The following IGSF11 variants were observed in gnomAD, a reference collection of about 807,000 sequenced individuals.
IGSF11 encodes immunoglobulin superfamily member 11, also known as CXADR like 1.
A neutral mutation model predicts 41.0 loss-of-function variants in IGSF11; 22 were observed. That is an observed-to-expected ratio of 0.54 (90% CI 0.38 to 0.77). The LOEUF (loss-of-function observed/expected upper bound fraction) is 0.77. IGSF11 is among the 30% of genes least tolerant of loss of function. The pLI is 0.00. For missense variants in IGSF11, 444 were observed against 530.8 expected, an observed-to-expected ratio of 0.84 and a Z score of 1.61; for synonymous variants, 219 against 201.3, an observed-to-expected ratio of 1.09 and a Z score of -0.74.
intron 1 of IGSF11, among the ~76,000 whole-genome samples, chr3:118,987,286 G>A (rs1248259671): frequency 6.6e-6 from 1 of 152,232 alleles, no homozygotes; most frequent in Non-Finnish European, 1.5e-5. Context: ...GTTCATCCCA[G>A]AGGATGAGAA....
At chr3:119,086,849 G>A (rs1333327947) in intron 1 of IGSF11, among the ~76,000 whole-genome samples, 1 of 152,114 alleles carries the variant, frequency 6.6e-6, no homozygotes, top group Non-Finnish European at 1.5e-5. Flanking sequence ...ACTTAATCAA[G>A]TCTACATAAC....
At chr3:118,929,762 G>A (rs1942680075) in intron 2 of IGSF11, among the ~76,000 whole-genome samples, 1 of 152,068 alleles carries the variant, frequency 6.6e-6, no homozygotes, top group Non-Finnish European at 1.5e-5. Context: ...ACAACCTAAT[G>A]TTACTTCCTT....
rs1197299547 is a variant in IGSF11 at position 118,933,418 on chromosome 3, A to G, written c.53-3143T>C. ...TATTGCTAGCTAATATTTAGGTCAC[A>G]CTGACTACACCAAGTCCACATTAAG... On this transcript the variant is annotated intron_variant, in intron 1 of 6. Coordinates refer to ENST00000393775, the MANE Select transcript of IGSF11 (RefSeq NM_001015887.3). Among the ~76,000 whole-genome samples, 4 of 151,260 alleles carry G rather than the reference A, an allele frequency of 2.6e-5. No homozygotes were observed. In the East Asian group the frequency reaches 7.7e-4, roughly 29 times the overall value.
In IGSF11 at chr3:119,015,332, C is replaced by T. The variant is rs543570231; in HGVS notation, c.52+19199G>A. On this transcript the variant is annotated intron_variant, in intron 1 of 6. Coordinates refer to ENST00000393775, the MANE Select transcript of IGSF11 (RefSeq NM_001015887.3). ...GAAAACAATGCTTGTGCAAGATCTA[C>T]CTTATTTAACGCAATTAACTGCAGG... Among the ~76,000 whole-genome samples the T allele has an allele frequency of 1.4e-4, 21 of 152,248 alleles. No homozygotes were observed. The South Asian group carries it at 1.7e-3, about 12-fold the overall frequency.
chr3:119,032,538 G>T (rs1323256755), intron 1 of IGSF11, among the ~76,000 whole-genome samples: 1 of 152,010 alleles, frequency 6.6e-6, no homozygotes, highest in African/African-American at 2.4e-5. Flanking sequence ...CTACTTTTTG[G>T]CTCTTTCTCC....
chr3:118,929,039 A>T (rs1344122970), intron 2 of IGSF11, among the ~76,000 whole-genome samples: 2 of 152,222 alleles, frequency 1.3e-5, no homozygotes, highest in African/African-American at 2.4e-5. Context: ...AACAAAAATT[A>T]AAAAATATTA....
chr3:118,910,672 C>T (rs781385240), intron 4 of IGSF11, among the ~76,000 whole-genome samples: 1 of 152,168 alleles, frequency 6.6e-6, no homozygotes, highest in Admixed American at 6.5e-5. Flanking sequence ...TAAAGCCTTT[C>T]ACAATCTGGA....
intron 4 of IGSF11, among the ~76,000 whole-genome samples, chr3:118,914,056 G>A (rs569167995): frequency 2.6e-5 from 4 of 151,326 alleles, no homozygotes; most frequent in Non-Finnish European, 5.9e-5. Flanking sequence ...AGAGAGTAGA[G>A]TTTTTTTTTA....
At chr3:119,034,939 C>CCA (rs1940810748), upstream of IGSF11, 2 of 747,976 alleles carry the variant, frequency 2.7e-6, no homozygotes, top group Non-Finnish European at 3.4e-6. Flanking sequence ...GCCGCCCACT[C>CCA]GCCCCGCTTG....
intron 1 of IGSF11, among the ~76,000 whole-genome samples, chr3:119,076,602 G>A (rs972428517): frequency 1.3e-5 from 2 of 152,042 alleles, no homozygotes; most frequent in Non-Finnish European, 2.9e-5. Context: ...GTGGGCAAAG[G>A]ATACAAACAG....
At chr3:118,956,842 T>C (rs1944995428) in intron 1 of IGSF11, among the ~76,000 whole-genome samples, 2 of 152,180 alleles carry the variant, frequency 1.3e-5, no homozygotes, top group South Asian at 2.1e-4. Context: ...ACAGTGCTGA[T>C]AGACTCACTA....
intron 1 of IGSF11, among the ~76,000 whole-genome samples, chr3:119,098,126 G>T (rs937137319): frequency 2.0e-5 from 3 of 151,864 alleles, no homozygotes; most frequent in African/African-American, 7.3e-5. Flanking sequence ...GGAGAACAAA[G>T]CTTATGTGGG....
At chr3:119,024,896 C>T (rs1005937149) in intron 1 of IGSF11, among the ~76,000 whole-genome samples, 1 of 152,082 alleles carries the variant, frequency 6.6e-6, no homozygotes, top group African/African-American at 2.4e-5. Context: ...ATACTTACAG[C>T]CTGCTTTGAA....
chr3:119,022,385 C>T (rs1939381052), intron 1 of IGSF11, among the ~76,000 whole-genome samples: 1 of 152,014 alleles, frequency 6.6e-6, no homozygotes, highest in South Asian at 2.1e-4. Context: ...CTTAATGCCA[C>T]CAAATCATAT....
chr3:119,038,000 A>G (rs1166091296), upstream of IGSF11, among the ~76,000 whole-genome samples: 1 of 152,146 alleles, frequency 6.6e-6, no homozygotes, highest in Non-Finnish European at 1.5e-5. Flanking sequence ...AACCTGTTTG[A>G]TCCTTGCTTG....
At chr3:119,107,052 G>C (rs1000067000), upstream of IGSF11, among the ~76,000 whole-genome samples, 8 of 152,124 alleles carry the variant, frequency 5.3e-5, no homozygotes, top group African/African-American at 9.7e-5. Context: ...CAACATACGT[G>C]TGCATGTGTC....
chr3:118,951,683 C>T (rs1944578049), intron 1 of IGSF11, among the ~76,000 whole-genome samples: 1 of 151,900 alleles, frequency 6.6e-6, no homozygotes, highest in African/African-American at 2.4e-5. Flanking sequence ...TCCAGGACAC[C>T]CCCCAGACAC....
chr3:118,984,947 T>C (rs935111954), intron 1 of IGSF11, among the ~76,000 whole-genome samples: 25 of 152,318 alleles, frequency 1.6e-4, no homozygotes, highest in Admixed American at 1.0e-3. Context: ...GGATGAGTCA[T>C]GTGAGAAGAT....
At chr3:119,010,124 T>C (rs962111154) in intron 1 of IGSF11, among the ~76,000 whole-genome samples, 1 of 152,188 alleles carries the variant, frequency 6.6e-6, no homozygotes, top group African/African-American at 2.4e-5. Context: ...TCTGGGGCGC[T>C]GTGAAGTGTC....
Sources: gnomAD v4.1 joint callset for allele counts (sites outside exome capture counted in the v4.1 genomes callset) on GRCh38, gnomAD v4.1.1 for gene constraint, MANE v1.5 for transcripts, NCBI Gene and HGNC (gene_info 2026-07-23, HGNC 2026-07-21) for gene names.